The following MKLN1 variants were observed in gnomAD, a reference collection of about 807,000 sequenced individuals.
MKLN1 encodes muskelin 1, also known as muskelin.
In MKLN1, 18 loss-of-function variants were observed where a neutral mutation model predicts 99.0. That is an observed-to-expected ratio of 0.18 (90% CI 0.13 to 0.27). MKLN1 has a LOEUF of 0.27. MKLN1 is among the 10% of genes least tolerant of loss of function. MKLN1 has a pLI of 1.00. For synonymous variants in MKLN1, 288 were observed against 293.2 expected (o/e 0.98, Z 0.18); for missense variants, 621 against 875.9 (o/e 0.71, Z 3.67).
intron 3 of MKLN1, among the ~76,000 whole-genome samples, chr7:131,307,989 T>G (rs1798493523): frequency 6.6e-6 from 1 of 152,126 alleles, no homozygotes; most frequent in Non-Finnish European, 1.5e-5. Context: ...TCCCCATGAG[T>G]CAAGGGAGGG....
At chr7:131,151,980 T>C (rs1795894795) in intron 2 of MKLN1, among the ~76,000 whole-genome samples, 2 of 152,156 alleles carry the variant, frequency 1.3e-5, no homozygotes, top group African/African-American at 4.8e-5. Context: ...CCTCTCCCCA[T>C]CTCATTTTAT....
intron 2 of MKLN1, among the ~76,000 whole-genome samples, chr7:131,159,971 C>T (rs1335559801): frequency 6.6e-6 from 1 of 152,014 alleles, no homozygotes; most frequent in Non-Finnish European, 1.5e-5. Context: ...GTAATGAGAC[C>T]TGGGCTTTCA....
chr7:131,147,761 G>A (rs1795835918), intron 2 of MKLN1, among the ~76,000 whole-genome samples: 1 of 152,122 alleles, frequency 6.6e-6, no homozygotes, highest in Non-Finnish European at 1.5e-5. Flanking sequence ...TGCCTTGTCT[G>A]GTTCCCCAAA....
chr7:131,468,727 A>G (rs1167053328), intron 15 of MKLN1, among the ~76,000 whole-genome samples: 1 of 152,228 alleles, frequency 6.6e-6, no homozygotes, highest in African/African-American at 2.4e-5. Context: ...GTTGATTAAA[A>G]TACGATTCTA....
intron 11 of MKLN1, among the ~76,000 whole-genome samples, chr7:131,445,218 T>C (rs1206811079): frequency 6.6e-6 from 1 of 151,860 alleles, no homozygotes; most frequent in African/African-American, 2.4e-5. Context: ...TGCCCAAATT[T>C]TAGATTTTTT....
intron 3 of MKLN1, among the ~76,000 whole-genome samples, chr7:131,226,461 G>A (rs1278348659): frequency 1.3e-5 from 2 of 152,146 alleles, no homozygotes; most frequent in South Asian, 2.1e-4. Flanking sequence ...TAGATGATCC[G>A]CACTTTTCCT....
chr7:131,309,368 C>T (rs999366012), intron 3 of MKLN1, among the ~76,000 whole-genome samples: 3 of 151,970 alleles, frequency 2.0e-5, no homozygotes, highest in African/African-American at 7.2e-5. Flanking sequence ...ATTCTAGTTG[C>T]CGTGAATATA....
chr7:131,205,097 CAAA>C (rs5887500), intron 3 of MKLN1, among the ~76,000 whole-genome samples: 1 of 141,334 alleles, frequency 7.1e-6, no homozygotes. Context: ...GACTCCGTCT[CAAA>C]AAAAAAAAAG....
intron 3 of MKLN1, among the ~76,000 whole-genome samples, chr7:131,321,257 A>AAAT (rs3078591): frequency 6.6e-6 from 1 of 151,830 alleles, no homozygotes; most frequent in East Asian, 1.9e-4. Context: ...CTATAAAAAA[A>AAAT]GAGTTCATGT....
chr7:131,323,047 A>G (rs1399541652), upstream of MKLN1, among the ~76,000 whole-genome samples: 11 of 152,320 alleles, frequency 7.2e-5, no homozygotes, highest in East Asian at 1.9e-3. Context: ...ACCATATCAC[A>G]GTGTCATTCA....
chr7:131,327,099 T>A (rs1584605771), upstream of MKLN1: 1 of 152,352 alleles, frequency 6.6e-6, no homozygotes, highest in East Asian at 1.9e-4. Flanking sequence ...GAAGAAGGAA[T>A]AGTCTTTTTC....
At chr7:131,125,954 C>T (rs915605420) in intron 1 of MKLN1, among the ~76,000 whole-genome samples, 1 of 148,690 alleles carries the variant, frequency 6.7e-6, no homozygotes, top group South Asian at 2.1e-4. Context: ...TGCAGTGAGC[C>T]GAGATCACGC....
At chr7:131,289,261 A>G (rs1798179536) in intron 3 of MKLN1, among the ~76,000 whole-genome samples, 1 of 152,202 alleles carries the variant, frequency 6.6e-6, no homozygotes, top group Admixed American at 6.5e-5. Flanking sequence ...GTCTATTAGA[A>G]ACCTAGAAGG....
chr7:131,371,545 C>T (rs1322894402), intron 1 of MKLN1, among the ~76,000 whole-genome samples: 1 of 152,044 alleles, frequency 6.6e-6, no homozygotes, highest in Non-Finnish European at 1.5e-5. Flanking sequence ...AGCCAATTGC[C>T]ATATCTAATA....
At chr7:131,290,334 G>A (rs1352277807) in intron 3 of MKLN1, among the ~76,000 whole-genome samples, 3 of 152,034 alleles carry the variant, frequency 2.0e-5, no homozygotes, top group Non-Finnish European at 4.4e-5. Flanking sequence ...AAATGAAATT[G>A]CAATCCTCTG....
At chr7:131,466,505 T>G in intron 15 of MKLN1, 90 bp downstream of exon 15, 2 of 900,844 alleles carry the variant, frequency 2.2e-6, no homozygotes, top group Non-Finnish European at 3.0e-6. Flanking sequence ...GTAAATACTA[T>G]GAAGATCATG....
At position 131,247,235 on chromosome 7, in the gene MKLN1, CT is replaced by C. The variant is rs72068521; in HGVS notation, c.-179+44275del. On this transcript the variant is annotated intron_variant, in intron 3 of 7. Coordinates refer to the MKLN1 transcript ENST00000416992. The stretch of plus-strand genomic sequence containing the variant: ...TTACCTTTTCTTCTTTTTCTTTTTT[CT>C]TTTTTTTTTTTTTGTCACCATGGCT... Among the ~76,000 whole-genome samples the C allele has an allele frequency of 6.3e-3, 886 of 141,114 alleles. 8 individuals carry two copies. Among genetic ancestry groups the C allele is most frequent in the African/African-American group, 0.02 (766 of 37,808 alleles). The allele number at this position is 141,114 out of a possible 152,430, so 92.6% of individuals were successfully genotyped here. A position where few individuals can be genotyped will look rare whatever the true frequency, so the allele number is the denominator to read the frequency against.
At chr7:131,415,118 T>G (rs1224242539) in intron 8 of MKLN1, among the ~76,000 whole-genome samples, 1 of 150,296 alleles carries the variant, frequency 6.7e-6, no homozygotes, top group Non-Finnish European at 1.5e-5. Flanking sequence ...TTGGTTTTGT[T>G]TTTTTTTTTC....
intron 15 of MKLN1, among the ~76,000 whole-genome samples, chr7:131,470,316 A>G (rs1796783048): frequency 6.6e-6 from 1 of 152,196 alleles, no homozygotes; most frequent in Non-Finnish European, 1.5e-5. Flanking sequence ...AGTTGTTTTT[A>G]CTGACTGAGA....
Sources: gnomAD v4.1 joint callset for allele counts (sites outside exome capture counted in the v4.1 genomes callset) on GRCh38, gnomAD v4.1.1 for gene constraint, MANE v1.5 for transcripts, NCBI Gene and HGNC (gene_info 2026-07-23, HGNC 2026-07-21) for gene names.